PPP1R9A: variants seen among roughly 807,000 people sequenced by gnomAD.
The protein encoded by PPP1R9A is neurabin-1.
PPP1R9A carries 59 observed loss-of-function variants against 141.9 expected under a neutral mutation model. The observed-to-expected ratio is 0.42, with a 90% CI of 0.34 to 0.52. The LOEUF is 0.52. Ranked by LOEUF, PPP1R9A falls within the 20% of genes least tolerant of loss-of-function variation. The pLI is 0.10. For synonymous variants in PPP1R9A, 500 were observed against 569.7 expected, an observed-to-expected ratio of 0.88 and a Z score of 1.74; for missense variants, 1,444 against 1,611.9, an observed-to-expected ratio of 0.90 and a Z score of 1.78.
Position 95,054,984 on chromosome 7 carries a change from A to G in PPP1R9A, c.1396-56275A>G, listed in dbSNP as rs141328928. 2.0e-4 allele frequency among the ~76,000 whole-genome samples: 30 copies of G among 152,304 alleles called. No homozygotes were observed. The East Asian group carries it at 5.8e-3, about 29-fold the overall frequency. ...ACGTGATCAATTCCTGATGAATTATATGTCATGGTGTTAAAAACAAAGTTA... is the reference window on the plus strand; with the variant it reads ...ACGTGATCAATTCCTGATGAATTATGTGTCATGGTGTTAAAAACAAAGTTA... On this transcript the variant is annotated intron_variant, in intron 2 of 19. Coordinates refer to ENST00000433360, the MANE Select transcript of PPP1R9A (RefSeq NM_001166160.2).
chr7:94,975,346 G>GTTTTTT (rs67413314), intron 2 of PPP1R9A, among the ~76,000 whole-genome samples: 3 of 128,622 alleles, frequency 2.3e-5, no homozygotes, highest in South Asian at 5.8e-4. Context: ...ACAGGCTGTA[G>GTTTTTT]TTTTTTTTTG....
intron 2 of PPP1R9A, among the ~76,000 whole-genome samples, chr7:95,058,620 C>A (rs1388515999): frequency 6.6e-6 from 1 of 151,904 alleles, no homozygotes; most frequent in Non-Finnish European, 1.5e-5. Context: ...AGGAAGGTTT[C>A]CAGAAGGAAA....
At chr7:95,064,208 C>T (rs1198949067) in intron 2 of PPP1R9A, among the ~76,000 whole-genome samples, 1 of 152,146 alleles carries the variant, frequency 6.6e-6, no homozygotes, top group African/African-American at 2.4e-5. Flanking sequence ...ACATTTTCAT[C>T]AGTAAATCAT....
intron 5 of PPP1R9A, among the ~76,000 whole-genome samples, chr7:95,177,762 T>TA (rs913902486): frequency 4.6e-5 from 7 of 151,680 alleles, no homozygotes; most frequent in Non-Finnish European, 7.4e-5. Context: ...CAACAGCAAT[T>TA]AAAAAAAAGA....
rs2116147064 is a variant in PPP1R9A, at chr7:95,291,768, ACTT to A, written c.*1469_*1471del. On this transcript the variant is annotated 3_prime_UTR_variant, in exon 20 of 20. Coordinates refer to ENST00000433360, the MANE Select transcript of PPP1R9A (RefSeq NM_001166160.2). ...CACATGAATTCTTGGACAGTATTTTACTTCTTTTACTTTATGGGAATCTCTGCT... is the reference window on the plus strand; with the variant it reads ...CACATGAATTCTTGGACAGTATTTTACTTTTACTTTATGGGAATCTCTGCT... 6.6e-6 allele frequency: 1 copy of A among 152,204 alleles called. No homozygotes were observed. The highest frequency in any genetic ancestry group is 1.9e-4 in the East Asian group (1 of 5,182). 9.4% of individuals were successfully genotyped at this position (152,204 alleles called of 1,614,324 possible).
At chr7:95,068,473 G>GAAAAAAAAAAAAAAAAAAAAAAAAAAAAA (rs36043693) in intron 2 of PPP1R9A, among the ~76,000 whole-genome samples, 2 of 94,214 alleles carry the variant, frequency 2.1e-5, no homozygotes, top group African/African-American at 4.1e-5. Flanking sequence ...CTTGTCTCAA[G>GAAAAAAAAAAAAAAAAAAAAAAAAAAAAA]AAAAAAAAAA....
At chr7:95,136,461 C>T (rs1202386911) in intron 4 of PPP1R9A, among the ~76,000 whole-genome samples, 4 of 151,902 alleles carry the variant, frequency 2.6e-5, no homozygotes, top group Non-Finnish European at 4.4e-5. Flanking sequence ...TGATGCAAGT[C>T]GTATATAAAC....
At chr7:94,976,362 G>A (rs1404050177) in intron 2 of PPP1R9A, among the ~76,000 whole-genome samples, 7 of 124,598 alleles carry the variant, frequency 5.6e-5, no homozygotes, top group Admixed American at 8.9e-5. Flanking sequence ...TTTTTTTTGA[G>A]ATGAAGTCTC....
intron 4 of PPP1R9A, among the ~76,000 whole-genome samples, chr7:95,147,866 A>AG (rs1827924899): frequency 6.6e-6 from 1 of 152,160 alleles, no homozygotes; most frequent in Non-Finnish European, 1.5e-5. Context: ...ATGATGGATA[A>AG]CTTTTTTGAT....
chr7:95,278,039 T>A (rs1335401552), intron 16 of PPP1R9A, among the ~76,000 whole-genome samples: 1 of 152,164 alleles, frequency 6.6e-6, no homozygotes. Flanking sequence ...CAGTCTTCTA[T>A]GGAAATGAAT....
chr7:95,167,369 G>A (rs10953139), intron 5 of PPP1R9A, among the ~76,000 whole-genome samples: 18,542 of 152,082 alleles, frequency 0.12, 1,253 homozygotes, highest in East Asian at 0.19. Flanking sequence ...AGATTTGGGT[G>A]GGGACACAGC....
intron 4 of PPP1R9A, among the ~76,000 whole-genome samples, chr7:95,138,691 A>G (rs1237920258): frequency 2.0e-5 from 3 of 152,250 alleles, no homozygotes; most frequent in Non-Finnish European, 2.9e-5. Flanking sequence ...TGTTTAAAAT[A>G]TGGACAGAAG....
chr7:95,024,006 C>T (rs777294511), intron 2 of PPP1R9A, among the ~76,000 whole-genome samples: 7 of 152,112 alleles, frequency 4.6e-5, no homozygotes, highest in Non-Finnish European at 7.4e-5. Flanking sequence ...TCATTGGTTT[C>T]GAAGAAATGT....
At chr7:95,263,502 T>C (rs1800753044) in intron 12 of PPP1R9A, among the ~76,000 whole-genome samples, 2 of 152,128 alleles carry the variant, frequency 1.3e-5, no homozygotes, top group Non-Finnish European at 2.9e-5. Flanking sequence ...TGGCCCGATC[T>C]TGGCTCACTG....
At chr7:95,074,456 CT>C (rs1391825182) in intron 2 of PPP1R9A, among the ~76,000 whole-genome samples, 17 of 135,434 alleles carry the variant, frequency 1.3e-4, no homozygotes, top group African/African-American at 4.8e-4. Context: ...GACTACATTG[CT>C]TTTTTTTGTT....
chr7:95,106,404 G>A (rs1336307848), intron 2 of PPP1R9A, among the ~76,000 whole-genome samples: 9 of 152,250 alleles, frequency 5.9e-5, no homozygotes, highest in South Asian at 4.1e-4. Context: ...ATTGGGGATC[G>A]TATGAATTGG....
chr7:95,003,951 A>C (rs1803275520), intron 2 of PPP1R9A, among the ~76,000 whole-genome samples: 1 of 152,192 alleles, frequency 6.6e-6, no homozygotes, highest in Admixed American at 6.5e-5. Flanking sequence ...GGTAGGGAGC[A>C]GGTGAAGGCT....
intron 2 of PPP1R9A, among the ~76,000 whole-genome samples, chr7:94,982,510 C>T (rs189123958): frequency 0.014 from 2,070 of 152,184 alleles, 54 homozygotes; most frequent in African/African-American, 0.047. Context: ...TTTTAATGAT[C>T]GCCATTCTAA....
chr7:95,194,484 T>C (rs974748531), intron 5 of PPP1R9A, among the ~76,000 whole-genome samples: 1 of 151,976 alleles, frequency 6.6e-6, no homozygotes, highest in Non-Finnish European at 1.5e-5. Flanking sequence ...AGTAAATACA[T>C]AGACAAATAA....
Sources: allele counts gnomAD v4.1 joint callset (sites outside exome capture counted in the v4.1 genomes callset), GRCh38; gene constraint gnomAD v4.1.1; transcripts MANE v1.5; gene names NCBI Gene and HGNC (gene_info 2026-07-23, HGNC 2026-07-21).